Variants in IL17RA observed in about 807,000 individuals in gnomAD.
The protein encoded by IL17RA is interleukin 17 receptor A, also known as interleukin-17 receptor A.
IL17RA carries 34 observed loss-of-function variants against 50.4 expected under a neutral mutation model. That is an observed-to-expected ratio of 0.67 (90% CI 0.51 to 0.90). The LOEUF is 0.90. Among genes scored for constraint, IL17RA ranks in the 40% least tolerant of loss-of-function variants. The pLI is 0.00. For missense variants in IL17RA, 1,276 were observed against 1,169.8 expected, an observed-to-expected ratio of 1.09 and a Z score of -1.32; for synonymous variants, 585 against 510.4, an observed-to-expected ratio of 1.15 and a Z score of -1.97.
At position 17,108,468 on chromosome 22, in the gene IL17RA, G is replaced by A; in HGVS notation, c.1249G>A (p.Glu417Lys). 1 of 1,613,774 alleles carries A rather than the reference G, an allele frequency of 6.2e-7. No homozygotes were observed. Among genetic ancestry groups the A allele is most frequent in the Non-Finnish European group, 8.5e-7 (1 of 1,180,052 alleles). Residue 417 changes from glutamate (E) to lysine (K), a missense_variant, in exon 13 of 13, where the codon GAG becomes AAG. Coordinates refer to ENST00000319363, the MANE Select transcript of IL17RA (RefSeq NM_014339.7). ...GTEVALDLLE[E>K]QAISEAGVMT... ...GGAAGTGGCCCTGGACCTGCTGGAA[G>A]AGCAGGCCATCTCGGAGGCAGGAGT...
chr22:17,101,908 A>C, intron 5 of IL17RA, 88 bp from the exon 6 acceptor site: 2 of 1,545,568 alleles, frequency 1.3e-6, no homozygotes, highest in South Asian at 2.2e-5. Flanking sequence ...CAGTGGGGAA[A>C]AGATTGTTGT....
intron 5 of IL17RA, 128 bp from the exon 6 acceptor site, chr22:17,101,868 C>A: frequency 8.7e-7 from 1 of 1,155,040 alleles, no homozygotes; most frequent in Non-Finnish European, 1.3e-6. Flanking sequence ...CTGGAGCTCA[C>A]TCTGAAGGGG....
intron 11 of IL17RA, among the ~76,000 whole-genome samples, 192 bp downstream of exon 11, chr22:17,106,146 A>C (rs1462020329): frequency 1.3e-5 from 2 of 152,252 alleles, no homozygotes; most frequent in Non-Finnish European, 2.9e-5. Flanking sequence ...TGCTATTTGC[A>C]CAGTATCTGT....
intron 11 of IL17RA, 76 bp downstream of exon 11, chr22:17,106,030 C>A: frequency 8.7e-7 from 1 of 1,147,816 alleles, no homozygotes. Context: ...AGGCAAATCG[C>A]TTTATTCTCA....
chr22:17,096,556 C>T (rs2061368824), intron 1 of IL17RA, among the ~76,000 whole-genome samples: 1 of 152,168 alleles, frequency 6.6e-6, no homozygotes, highest in Admixed American at 6.5e-5. Flanking sequence ...AAGGTCCCAG[C>T]TCATAGCAGT....
In IL17RA at chr22:17,109,461, C is replaced by T. The variant is rs1444953023; in HGVS notation, c.2242C>T (p.Leu748Phe). 12 of 1,613,100 alleles carry T rather than the reference C, an allele frequency of 7.4e-6. No homozygotes were observed. The highest frequency in any genetic ancestry group is 5.0e-5 in the Admixed American group (3 of 59,982). Residue 748 changes from leucine to phenylalanine, a missense_variant, in exon 13 of 13, where the codon CTC becomes TTC. By Grantham distance (22) the Leu-to-Phe change is conservative. Transcript: ENST00000319363. ...DLLPEDVREH[L>F]EGLMLSLFEQ... ...CCTTCCAGAGGACGTGAGGGAGCAC[C>T]TCGAAGGCTTGATGCTCTCGCTCTT...
chr22:17,107,643 T>TC, intron 11 of IL17RA, 84 bp from the exon 12 acceptor site: 1 of 1,214,060 alleles, frequency 8.2e-7, no homozygotes, highest in Non-Finnish European at 1.2e-6. Context: ...TCACCCTTTG[T>TC]CAGGGATGGG....
intron 11 of IL17RA, among the ~76,000 whole-genome samples, chr22:17,106,296 G>A (rs1006816641): frequency 3.9e-5 from 6 of 152,230 alleles, no homozygotes; most frequent in Admixed American, 1.3e-4. Flanking sequence ...TCCTGCAGCC[G>A]CCAGACGTGG....
At chr22:17,094,671 C>CTATATATATATATATATATGTG (rs1568917407) in intron 1 of IL17RA, among the ~76,000 whole-genome samples, 6 of 40,766 alleles carry the variant, frequency 1.5e-4, no homozygotes, top group South Asian at 7.1e-4. Flanking sequence ...CTCTCTCTCT[C>CTATATATATATATATATATGTG]TCTCTCTCTC....
At chr22:17,099,394 G>A (rs554214760) in intron 4 of IL17RA, among the ~76,000 whole-genome samples, 324 of 152,226 alleles carry the variant, frequency 2.1e-3, no homozygotes, top group Non-Finnish European at 3.9e-3. Context: ...GTTTAAGTTT[G>A]TTTAAAGCAG....
intron 11 of IL17RA, among the ~76,000 whole-genome samples, 177 bp from the exon 12 acceptor site, chr22:17,107,550 C>T (rs1474056532): frequency 2.6e-5 from 4 of 152,214 alleles, no homozygotes; most frequent in Non-Finnish European, 4.4e-5. Flanking sequence ...TCATAGTGCT[C>T]GTAGTGGCAG....
chr22:17,109,536 A>G lies in IL17RA; in HGVS notation c.2317A>G (p.Met773Val), dbSNP rs776536038. 63 of 1,599,278 alleles carry G rather than the reference A, an allele frequency of 3.9e-5. No homozygotes were observed. The highest frequency in any genetic ancestry group is 5.3e-5 in the Non-Finnish European group (62 of 1,173,028). ...CCAGGGGGGCTGCAGTAGACCCGCC[A>G]TGGTCCTCACAGACCCACACACGCC... The part of the protein sequence containing the change: ...QAQGGCSRPA[M>V]VLTDPHTPYE... Residue 773 changes from methionine to valine, a missense_variant, in exon 13 of 13, where the codon ATG becomes GTG. Physicochemically the swap from Met to Val is conservative, Grantham distance 21 (BLOSUM62 1). Transcript: ENST00000319363.
rs113571926 is a variant in IL17RA at position 17,109,487 on chromosome 22, C to T, written c.2268C>T (p.Phe756=). 1.6e-4 allele frequency: 251 copies of T among 1,610,024 alleles called. No homozygotes were observed. The African/African-American group carries it at 2.3e-3, about 15-fold the overall frequency. ...TCGAAGGCTTGATGCTCTCGCTCTT[C>T]GAGCAGAGTCTGAGCTGCCAGGCCC... ...EHLEGLMLSL[F]EQSLSCQAQG... The change falls in exon 13 of 13, where the codon TTC becomes TTT. Residue 756 remains phenylalanine (F), a synonymous_variant. Coordinates refer to ENST00000319363, the MANE Select transcript of IL17RA (RefSeq NM_014339.7).
intron 1 of IL17RA, among the ~76,000 whole-genome samples, chr22:17,096,034 G>C (rs866597907): frequency 6.6e-6 from 1 of 152,142 alleles, no homozygotes; most frequent in East Asian, 1.9e-4. Context: ...CAGTCACTTT[G>C]TTGGCCTTGA....
At chr22:17,092,223 C>T (rs916739567) in intron 1 of IL17RA, among the ~76,000 whole-genome samples, 2 of 152,180 alleles carry the variant, frequency 1.3e-5, no homozygotes, top group African/African-American at 4.8e-5. Context: ...TGGAGGGTGG[C>T]ACACCTGAGG....
In IL17RA at chr22:17,109,650, A is replaced by G. The variant is rs1292337675; in HGVS notation, c.2431A>G (p.Met811Val). The change falls in exon 13 of 13, where the codon ATG becomes GTG. Residue 811 changes from methionine (M) to valine (V), a missense_variant. Coordinates refer to ENST00000319363, the MANE Select transcript of IL17RA (RefSeq NM_014339.7). ...GCAGCCCCCCGAGGGACTCACGGAAATGGAGGAAGAGGAGGAAGAGGAGCA... is the reference window on the plus strand; with the variant it reads ...GCAGCCCCCCGAGGGACTCACGGAAGTGGAGGAAGAGGAGGAAGAGGAGCA... ...SPQPPEGLTE[M>V]EEEEEEEQDP... 6.2e-7 allele frequency: 1 copy of G among 1,607,392 alleles called. No homozygotes were observed. Among genetic ancestry groups the G allele is most frequent in the Non-Finnish European group, 8.5e-7 (1 of 1,177,512 alleles).
At chr22:17,097,037 A>T (rs1471728461) in intron 1 of IL17RA, 25 bp from the exon 2 acceptor site, 4 of 1,611,600 alleles carry the variant, frequency 2.5e-6, no homozygotes, top group Non-Finnish European at 3.4e-6. Flanking sequence ...TCCCAGCTGT[A>T]ATAACCACCC....
At chr22:17,107,516 A>G (rs1195196508) in intron 11 of IL17RA, among the ~76,000 whole-genome samples, 1 of 152,268 alleles carries the variant, frequency 6.6e-6, no homozygotes, top group Non-Finnish European at 1.5e-5. Context: ...GCTGCATTTC[A>G]GAGGCACTAG....
rs1000477102 is a variant in IL17RA at position 17,113,128 on chromosome 22, A to T, written c.*3308A>T. The T allele has an allele frequency of 3.5e-4, 53 of 152,060 alleles. No individual in the cohort carries two copies. Among genetic ancestry groups the T allele is most frequent in the African/African-American group, 1.3e-3 (53 of 41,388 alleles). The allele number at this position is 152,060 out of a possible 1,614,324, so 9.4% of individuals were successfully genotyped here. A position where few individuals can be genotyped will look rare whatever the true frequency, so the allele number is the denominator to read the frequency against. ...TCGGTCTCTGAAACATCCATTCAGC[A>T]GTTTGAGCTGGGATCTCTGAATGCA... is the stretch of plus-strand genomic sequence containing the variant. On this transcript the variant is annotated 3_prime_UTR_variant, in exon 13 of 13. Coordinates refer to ENST00000319363, the MANE Select transcript of IL17RA (RefSeq NM_014339.7).
Sources: gnomAD v4.1 joint callset for allele counts (sites outside exome capture counted in the v4.1 genomes callset) on GRCh38, gnomAD v4.1.1 for gene constraint, MANE v1.5 for transcripts, NCBI Gene and HGNC (gene_info 2026-07-23, HGNC 2026-07-21) for gene names.